DOCK10: variants seen among roughly 807,000 people sequenced by gnomAD.
DOCK10 encodes the protein dedicator of cytokinesis protein 10.
DOCK10 carries 145 observed loss-of-function variants against 280.1 expected under a neutral mutation model. The observed-to-expected ratio is 0.52, with a 90% CI of 0.45 to 0.59. The LOEUF (loss-of-function observed/expected upper bound fraction) is 0.59. Among genes scored for constraint, DOCK10 ranks in the 20% least tolerant of loss-of-function variants. The pLI, the probability that DOCK10 is intolerant of heterozygous loss-of-function variation, is 0.00. For synonymous variants in DOCK10, 915 were observed against 942.2 expected, an observed-to-expected ratio of 0.97 and a Z score of 0.53; for missense variants, 2,368 against 2,651.7, an observed-to-expected ratio of 0.89 and a Z score of 2.35.
At chr2:224,918,620 GTGTA>G (rs763856273) in intron 2 of DOCK10, among the ~76,000 whole-genome samples, 126 of 150,288 alleles carry the variant, frequency 8.4e-4, no homozygotes, top group Non-Finnish European at 1.5e-3. Context: ...TGTGGGGTGT[GTGTA>G]TGTATGTACT....
chr2:225,017,280 T>C (rs1266586957), intron 1 of DOCK10, among the ~76,000 whole-genome samples: 1 of 152,126 alleles, frequency 6.6e-6, no homozygotes, highest in Non-Finnish European at 1.5e-5. Flanking sequence ...AGGGATGGAA[T>C]TAACCCACCA....
intron 30 of DOCK10, among the ~76,000 whole-genome samples, chr2:224,814,648 A>G (rs1195216720): frequency 1.3e-5 from 2 of 152,084 alleles, no homozygotes; most frequent in Non-Finnish European, 2.9e-5. Context: ...CAGTCTCCCA[A>G]GTAGCTGGGA....
chr2:224,872,709 C>T (rs533441765), intron 11 of DOCK10, among the ~76,000 whole-genome samples: 2 of 152,310 alleles, frequency 1.3e-5, no homozygotes, highest in African/African-American at 2.4e-5. Flanking sequence ...ACCCAGTTTA[C>T]AGTGAAAACT....
In DOCK10 at chr2:224,856,937, T is replaced by A; in HGVS notation, c.1731A>T (p.Arg577Ser). The change falls in exon 15 of 56, where the codon AGA (arginine) becomes AGT (serine). Residue 577 changes from arginine to serine, a missense_variant. Around this residue, in one of 2 missense-constraint regions of DOCK10, gnomAD observed 1,209 missense variants for 1,250.9 expected, o/e 0.97. Coordinates refer to ENST00000258390, the MANE Select transcript of DOCK10 (RefSeq NM_014689.3). ...TTTCTTGTCTAAACAATGGTGAAAATCTTGAGTCTCTGTCCACATTTCCCT... is the reference window on the plus strand; with the variant it reads ...TTTCTTGTCTAAACAATGGTGAAAAACTTGAGTCTCTGTCCACATTTCCCT... The part of the protein sequence containing the change: ...DNQGNVDRDS[R>S]FSPLFRQESS... 1 of 1,612,422 alleles carries A rather than the reference T, an allele frequency of 6.2e-7. No homozygotes were observed. Among genetic ancestry groups the A allele is most frequent in the Non-Finnish European group, 8.5e-7 (1 of 1,178,898 alleles).
At position 225,018,516 on chromosome 2, in the gene DOCK10, T is replaced by C. The variant is rs1382264663; in HGVS notation, c.123+23736A>G. On this transcript the variant is annotated intron_variant, in intron 1 of 55. Transcript: ENST00000258390. The stretch of plus-strand genomic sequence containing the variant: ...TATATATAATATATATGTAATATTA[T>C]ATATATATAATATATATGTAATATT... Among the ~76,000 whole-genome samples, 8 of 69,856 alleles carry C rather than the reference T, an allele frequency of 1.1e-4. 1 individual carries two copies. Among genetic ancestry groups the C allele is most frequent in the Admixed American group, 1.9e-4 (1 of 5,282 alleles). The allele number at this position is 69,856 out of a possible 152,430, so 45.8% of individuals were successfully genotyped here.
At chr2:224,983,124 T>C (rs1231975292) in intron 1 of DOCK10, among the ~76,000 whole-genome samples, 3 of 152,242 alleles carry the variant, frequency 2.0e-5, no homozygotes, top group African/African-American at 7.2e-5. Context: ...CTGAGGTCAC[T>C]GAGCAAGCTC....
At chr2:224,993,403 T>C (rs1706184670) in intron 1 of DOCK10, among the ~76,000 whole-genome samples, 1 of 152,140 alleles carries the variant, frequency 6.6e-6, no homozygotes, top group Admixed American at 6.5e-5. Flanking sequence ...ACCTGATATA[T>C]TGGGAAAACC....
Position 224,811,899 on chromosome 2 carries a change from T to C in DOCK10, c.3409+2421A>G, listed in dbSNP as rs1303873255. ...TTTTGGTTACTGTAGCCTTGTAGTA[T>C]AGTTTGAAGTCAGGTAGCGTGATGC... On this transcript the variant is annotated intron_variant, in intron 31 of 55. Transcript: ENST00000258390. Among the ~76,000 whole-genome samples the C allele has an allele frequency of 3.9e-5, 6 of 152,154 alleles. No individual in the cohort carries two copies. In the East Asian group the frequency reaches 9.7e-4, roughly 25 times the overall value.
chr2:224,934,307 C>A (rs758720327), intron 1 of DOCK10, among the ~76,000 whole-genome samples: 2 of 152,126 alleles, frequency 1.3e-5, no homozygotes, highest in Non-Finnish European at 2.9e-5. Flanking sequence ...TGACATGGAA[C>A]TGCAAAATCC....
intron 1 of DOCK10, among the ~76,000 whole-genome samples, chr2:224,976,780 G>A (rs1575140865): frequency 6.6e-6 from 1 of 152,018 alleles, no homozygotes; most frequent in East Asian, 1.9e-4. Flanking sequence ...AATACTTTAG[G>A]CTTGGTGGGC....
At chr2:224,908,467 G>A (rs1700809321) in intron 3 of DOCK10, among the ~76,000 whole-genome samples, 1 of 151,186 alleles carries the variant, frequency 6.6e-6, no homozygotes, top group African/African-American at 2.4e-5. Context: ...GTGTAGATGT[G>A]GCTGTAGAGA....
intron 30 of DOCK10, among the ~76,000 whole-genome samples, chr2:224,814,938 C>T (rs1279034886): frequency 1.3e-5 from 2 of 152,076 alleles, no homozygotes; most frequent in East Asian, 3.8e-4. Context: ...TTTTTATGTT[C>T]ATTATTTATA....
intron 55 of DOCK10, among the ~76,000 whole-genome samples, chr2:224,769,128 T>G (rs1444060738): frequency 6.6e-6 from 1 of 152,206 alleles, no homozygotes; most frequent in African/African-American, 2.4e-5. Context: ...TCCTGAGTAC[T>G]TAATTCCTGT....
chr2:224,992,028 G>A (rs895342473), intron 1 of DOCK10, among the ~76,000 whole-genome samples: 4 of 152,058 alleles, frequency 2.6e-5, no homozygotes, highest in African/African-American at 9.7e-5. Context: ...AGTGGCCTTG[G>A]GTTCAGGAGA....
At chr2:224,930,409 C>A (rs933659619) in intron 2 of DOCK10, among the ~76,000 whole-genome samples, 1 of 152,026 alleles carries the variant, frequency 6.6e-6, no homozygotes, top group South Asian at 2.1e-4. Flanking sequence ...CAAAATGTGC[C>A]AGCACTCAAG....
At chr2:224,960,556 G>A (rs1045836808) in intron 1 of DOCK10, among the ~76,000 whole-genome samples, 5 of 151,788 alleles carry the variant, frequency 3.3e-5, no homozygotes, top group African/African-American at 1.2e-4. Flanking sequence ...CCTTTCAAGG[G>A]CCAAAAAGCA....
Position 224,773,290 on chromosome 2 carries a change from G to T in DOCK10, c.6071C>A (p.Thr2024Lys), listed in dbSNP as rs1462419763. The change falls in exon 53 of 56, where the codon ACA (threonine) becomes AAA (lysine). Residue 2024 changes from threonine to lysine, a missense_variant. By Grantham distance (78) the Thr-to-Lys change is moderately conservative. Transcript: ENST00000258390. The part of the protein sequence containing the change: ...KRIQVISQSS[T>K]ELNPIEVAID... ...TGCCACTTCAATTGGATTCAGTTCT[G>T]TGCTCGATTGGCTAATTACTTGTAT... The T allele has an allele frequency of 1.9e-6, 3 of 1,613,730 alleles. No individual in the cohort carries two copies. The highest frequency in any genetic ancestry group is 2.5e-6 in the Non-Finnish European group (3 of 1,179,872).
At chr2:224,941,192 C>T (rs1007603307) in intron 1 of DOCK10, among the ~76,000 whole-genome samples, 24 of 149,838 alleles carry the variant, frequency 1.6e-4, no homozygotes, top group African/African-American at 4.9e-4. Flanking sequence ...AAGAACATTA[C>T]TGCTCTTTTT....
chr2:224,843,957 A>G (rs571240400), intron 22 of DOCK10, among the ~76,000 whole-genome samples: 14 of 152,150 alleles, frequency 9.2e-5, no homozygotes, highest in Non-Finnish European at 8.8e-5. Context: ...TTGATGAGGA[A>G]ATAAGGATAT....
Sources: allele counts gnomAD v4.1 joint callset (sites outside exome capture counted in the v4.1 genomes callset), GRCh38; gene constraint gnomAD v4.1.1; regional missense constraint gnomAD v4.1.1; transcripts MANE v1.5; gene names NCBI Gene and HGNC (gene_info 2026-07-23, HGNC 2026-07-21).